PTPRD: variants seen among roughly 807,000 people sequenced by gnomAD.
The protein encoded by PTPRD is protein tyrosine phosphatase receptor type D.
PTPRD carries 34 observed loss-of-function variants against 214.5 expected under a neutral mutation model. The ratio of observed to expected loss-of-function variants is 0.16; its 90% CI spans 0.12 to 0.21. The LOEUF (loss-of-function observed/expected upper bound fraction) is 0.21. PTPRD is among the 10% of genes least tolerant of loss of function. PTPRD has a pLI of 1.00. For synonymous variants in PTPRD, 1,128 were observed against 845.7 expected (o/e 1.33, Z -5.79); for missense variants, 2,545 against 2,398.7 (o/e 1.06, Z -1.27).
At chr9:9,153,605 T>A (rs1430167797) in intron 10 of PTPRD, among the ~76,000 whole-genome samples, 1 of 152,238 alleles carries the variant, frequency 6.6e-6, no homozygotes, top group African/African-American at 2.4e-5. Context: ...AACAGTGATA[T>A]TAACTATACA....
chr9:9,781,947 C>T lies in PTPRD; in HGVS notation c.-367-15096G>A, dbSNP rs961685088. Among the ~76,000 whole-genome samples, 10 of 152,210 alleles carry T rather than the reference C, an allele frequency of 6.6e-5. No individual in the cohort carries two copies. In the East Asian group the frequency reaches 9.7e-4, roughly 15 times the overall value. Reference sequence around the variant, plus strand: ...AGCTGGGACTACAGGCGCCCACTACCACGCCCGGCTAATTTTATGTATTTT... The same window carrying T: ...AGCTGGGACTACAGGCGCCCACTACTACGCCCGGCTAATTTTATGTATTTT... On this transcript the variant is annotated intron_variant, in intron 5 of 45. Transcript: ENST00000381196.
intron 2 of PTPRD, among the ~76,000 whole-genome samples, chr9:10,560,377 G>C: frequency 6.6e-6 from 1 of 151,386 alleles, no homozygotes. Flanking sequence ...ATGGACACAG[G>C]AAGGGGAACA....
chr9:9,761,206 AAAAT>A (rs1461619890), intron 6 of PTPRD, among the ~76,000 whole-genome samples: 1 of 152,248 alleles, frequency 6.6e-6, no homozygotes, highest in African/African-American at 2.4e-5. Flanking sequence ...ATGCTGATCA[AAAAT>A]AAAAATGAAC....
At chr9:8,472,864 G>C (rs1014429605) in intron 30 of PTPRD, among the ~76,000 whole-genome samples, 1 of 152,100 alleles carries the variant, frequency 6.6e-6, no homozygotes, top group African/African-American at 2.4e-5. Flanking sequence ...AGATATGTCT[G>C]GCTGGGAGTT....
At chr9:8,735,138 G>GT (rs756286581) in intron 11 of PTPRD, among the ~76,000 whole-genome samples, 3,132 of 125,438 alleles carry the variant, frequency 0.025, 59 homozygotes, top group African/African-American at 0.04. Flanking sequence ...GTTTTTTTTT[G>GT]TTTTTTTTTT....
chr9:10,337,147 C>A (rs1219454776), intron 3 of PTPRD, among the ~76,000 whole-genome samples: 1 of 151,646 alleles, frequency 6.6e-6, no homozygotes, highest in Non-Finnish European at 1.5e-5. Context: ...AATCGAGTGG[C>A]CCAATTTTGG....
intron 11 of PTPRD, among the ~76,000 whole-genome samples, chr9:8,891,837 G>T (rs2098542431): frequency 6.6e-6 from 1 of 152,016 alleles, no homozygotes; most frequent in Admixed American, 6.6e-5. Flanking sequence ...AATCACCTTG[G>T]GAATCCCAGC....
chr9:9,791,220 G>C (rs1056126769), intron 5 of PTPRD, among the ~76,000 whole-genome samples: 1 of 152,036 alleles, frequency 6.6e-6, no homozygotes, highest in Non-Finnish European at 1.5e-5. Flanking sequence ...TATATCCTCA[G>C]TTAATTGTGT....
At chr9:9,489,291 CGCTGTG>C (rs2095799417) in intron 8 of PTPRD, among the ~76,000 whole-genome samples, 1 of 152,088 alleles carries the variant, frequency 6.6e-6, no homozygotes, top group African/African-American at 2.4e-5. Context: ...AAATAGCAGA[CGCTGTG>C]GAAAAGAGAA....
chr9:9,381,500 A>G (rs971587422), intron 9 of PTPRD, among the ~76,000 whole-genome samples: 3 of 151,414 alleles, frequency 2.0e-5, no homozygotes, highest in Non-Finnish European at 4.4e-5. Flanking sequence ...AGCTAGGACT[A>G]TATGCATGCA....
intron 9 of PTPRD, among the ~76,000 whole-genome samples, chr9:9,387,189 T>G (rs1169348577): frequency 6.6e-6 from 1 of 152,164 alleles, no homozygotes; most frequent in Non-Finnish European, 1.5e-5. Flanking sequence ...ATGTTTTCAG[T>G]GTGTGTTTAT....
At chr9:8,593,526 T>A (rs1378146803) in intron 14 of PTPRD, among the ~76,000 whole-genome samples, 3 of 152,218 alleles carry the variant, frequency 2.0e-5, no homozygotes, top group Non-Finnish European at 4.4e-5. Context: ...CAAAATGACA[T>A]TAACTTCTTT....
At chr9:9,322,037 A>G (rs1487334220) in intron 9 of PTPRD, among the ~76,000 whole-genome samples, 1 of 152,180 alleles carries the variant, frequency 6.6e-6, no homozygotes, top group Non-Finnish European at 1.5e-5. Flanking sequence ...GCAAATCACT[A>G]GAAGTTCTGA....
At chr9:9,086,480 T>C (rs2099767199) in intron 10 of PTPRD, among the ~76,000 whole-genome samples, 1 of 152,186 alleles carries the variant, frequency 6.6e-6, no homozygotes, top group South Asian at 2.1e-4. Context: ...ACTGATTTGC[T>C]TGTTTCCCAC....
intron 3 of PTPRD, among the ~76,000 whole-genome samples, chr9:10,039,426 G>A (rs1292173358): frequency 6.6e-6 from 1 of 151,892 alleles, no homozygotes; most frequent in African/African-American, 2.4e-5. Context: ...AAAATGTAAG[G>A]TATATAAATC....
chr9:8,732,284 G>T (rs921393326), intron 12 of PTPRD, among the ~76,000 whole-genome samples: 1 of 152,094 alleles, frequency 6.6e-6, no homozygotes, highest in East Asian at 1.9e-4. Context: ...CTTCATGGAC[G>T]TACAATAATT....
intron 3 of PTPRD, among the ~76,000 whole-genome samples, chr9:10,286,501 G>A (rs1429126323): frequency 2.0e-5 from 3 of 151,972 alleles, no homozygotes; most frequent in Admixed American, 6.6e-5. Flanking sequence ...TGATGCAAAA[G>A]GTTCTTAGCC....
chr9:8,472,410 C>T (rs2096671007), intron 30 of PTPRD, among the ~76,000 whole-genome samples: 1 of 152,120 alleles, frequency 6.6e-6, no homozygotes, highest in South Asian at 2.1e-4. Flanking sequence ...CCACAGAGGC[C>T]AGCAAGGCCT....
At chr9:10,174,327 CA>C (rs1277543979) in intron 3 of PTPRD, among the ~76,000 whole-genome samples, 3 of 152,056 alleles carry the variant, frequency 2.0e-5, no homozygotes, top group Non-Finnish European at 2.9e-5. Flanking sequence ...CTGTTAAAAA[CA>C]GCCTGGAAAT....
Sources: allele counts gnomAD v4.1 joint callset (sites outside exome capture counted in the v4.1 genomes callset), GRCh38; gene constraint gnomAD v4.1.1; transcripts MANE v1.5; gene names NCBI Gene and HGNC (gene_info 2026-07-23, HGNC 2026-07-21).